Variants in SLC35F4 observed in about 807,000 individuals in gnomAD.
SLC35F4 encodes solute carrier family 35 member F4.
Under a neutral mutation model 44.2 loss-of-function variants are expected in SLC35F4, and 24 were observed. That is an observed-to-expected ratio of 0.54 (90% CI 0.39 to 0.76). The LOEUF is 0.76. Ranked by LOEUF, SLC35F4 falls within the 30% of genes least tolerant of loss-of-function variation. SLC35F4 has a pLI of 0.00. For missense variants in SLC35F4, 562 were observed against 586.1 expected, an observed-to-expected ratio of 0.96 and a Z score of 0.42; for synonymous variants, 238 against 223.6, an observed-to-expected ratio of 1.06 and a Z score of -0.57.
intron 1 of SLC35F4, among the ~76,000 whole-genome samples, chr14:57,613,687 G>T (rs1460234469): frequency 6.6e-6 from 1 of 152,156 alleles, no homozygotes; most frequent in Non-Finnish European, 1.5e-5. Context: ...TTGACTTCCT[G>T]CATAGTCTCA....
chr14:57,814,667 G>A (rs955451686), intron 1 of SLC35F4, among the ~76,000 whole-genome samples: 3 of 152,186 alleles, frequency 2.0e-5, no homozygotes, highest in Non-Finnish European at 4.4e-5. Flanking sequence ...TTGCTGCAAT[G>A]TGTGCCATTA....
At chr14:57,668,433 G>A (rs1461255977) in intron 1 of SLC35F4, among the ~76,000 whole-genome samples, 2 of 151,732 alleles carry the variant, frequency 1.3e-5, no homozygotes, top group South Asian at 2.1e-4. Flanking sequence ...GGTATTGCCT[G>A]GGTTTTCTTC....
In SLC35F4 at chr14:57,908,549, T is replaced by G. The variant is rs150553408; in HGVS notation, n.282+73364A>C. On this transcript the variant is annotated intron_variant and non_coding_transcript_variant, in intron 1 of 1. Coordinates refer to the SLC35F4 transcript ENST00000556568. ...TCTCTAATGATCAATAATGTTGAGC[T>G]TTTTTTCATATGTTTGTTGGTGGCA... Among the ~76,000 whole-genome samples, 421 of 152,318 alleles carry G rather than the reference T, an allele frequency of 2.8e-3. 2 individuals are homozygous for G. Among genetic ancestry groups the G allele is most frequent in the African/African-American group, 9.7e-3 (405 of 41,572 alleles).
At chr14:57,567,377 A>G (rs1467558067) in intron 6 of SLC35F4, among the ~76,000 whole-genome samples, 1 of 152,200 alleles carries the variant, frequency 6.6e-6, no homozygotes, top group Non-Finnish European at 1.5e-5. Context: ...AATGTCCTCA[A>G]TTCAGAGATC....
At chr14:57,739,200 G>A (rs991794780) in intron 1 of SLC35F4, among the ~76,000 whole-genome samples, 5 of 152,126 alleles carry the variant, frequency 3.3e-5, no homozygotes, top group East Asian at 1.9e-4. Context: ...GTGGTAAATG[G>A]AATCATTTCA....
chr14:57,590,757 T>G (rs971190784), intron 2 of SLC35F4, among the ~76,000 whole-genome samples: 7 of 152,154 alleles, frequency 4.6e-5, no homozygotes, highest in African/African-American at 1.4e-4. Flanking sequence ...AGACCCCACT[T>G]AAGCACAAGG....
chr14:57,899,432 T>C (rs1888952015), intron 1 of SLC35F4, among the ~76,000 whole-genome samples: 1 of 152,222 alleles, frequency 6.6e-6, no homozygotes, highest in Non-Finnish European at 1.5e-5. Context: ...TAGCACCTTC[T>C]AGCATAGTTC....
intron 1 of SLC35F4, among the ~76,000 whole-genome samples, chr14:57,703,832 T>C (rs781498926): frequency 7.2e-5 from 11 of 152,222 alleles, no homozygotes; most frequent in Non-Finnish European, 1.6e-4. Context: ...TCTATTATTA[T>C]ACTTTATCAG....
intron 1 of SLC35F4, among the ~76,000 whole-genome samples, chr14:57,884,798 C>A (rs1280835205): frequency 6.6e-6 from 1 of 151,924 alleles, no homozygotes; most frequent in East Asian, 1.9e-4. Context: ...AAAATAATAA[C>A]AACTGTGCCC....
chr14:57,763,509 A>T (rs2077171092), intron 1 of SLC35F4, among the ~76,000 whole-genome samples: 1 of 152,148 alleles, frequency 6.6e-6, no homozygotes, highest in Non-Finnish European at 1.5e-5. Context: ...AAGTTACTCA[A>T]TCTTTCTTTG....
intron 3 of SLC35F4, among the ~76,000 whole-genome samples, chr14:57,582,964 C>G (rs562393855): frequency 6.6e-6 from 1 of 152,164 alleles, no homozygotes; most frequent in Non-Finnish European, 1.5e-5. Flanking sequence ...TTGGGAGTTG[C>G]AGGTCACCGG....
At chr14:57,774,146 A>T (rs1310679227) in intron 1 of SLC35F4, among the ~76,000 whole-genome samples, 12 of 152,106 alleles carry the variant, frequency 7.9e-5, no homozygotes, top group Admixed American at 7.9e-4. Flanking sequence ...CTACTAGCAG[A>T]TCTTTAGAGG....
Position 57,596,741 on chromosome 14 carries a change from C to T in SLC35F4, c.104-2617G>A, listed in dbSNP as rs146512639. The T allele has an allele frequency of 1.3e-4, 167 of 1,318,052 alleles. 2 individuals carry two copies. The Admixed American group carries it at 3.1e-3, about 24-fold the overall frequency. The allele number at this position is 1,318,052 out of a possible 1,614,324, so 81.6% of individuals were successfully genotyped here. On this transcript the variant is annotated intron_variant, in intron 1 of 7. Coordinates refer to ENST00000556826, the MANE Select transcript of SLC35F4 (RefSeq NM_001306087.2). ...GCAAGTGTTGAATGTATAAGCCACA[C>T]CAGTGATTTATCTTCCTTTCTCATT...
intron 1 of SLC35F4, among the ~76,000 whole-genome samples, chr14:57,641,637 A>G (rs149702858): frequency 4.6e-5 from 7 of 152,154 alleles, no homozygotes; most frequent in Non-Finnish European, 5.9e-5. Flanking sequence ...ATGCTTTTAA[A>G]TGACAATGTT....
At chr14:57,744,226 G>A (rs1026629787) in intron 1 of SLC35F4, among the ~76,000 whole-genome samples, 3 of 152,094 alleles carry the variant, frequency 2.0e-5, no homozygotes, top group African/African-American at 7.2e-5. Flanking sequence ...TTCTGGCCAG[G>A]GTAATCAGGC....
intron 1 of SLC35F4, among the ~76,000 whole-genome samples, chr14:57,879,301 T>G (rs138729623): frequency 2.3e-3 from 357 of 152,238 alleles, no homozygotes; most frequent in Non-Finnish European, 3.6e-3. Context: ...CCTTTGTCGC[T>G]AAATACACTG....
Position 57,679,501 on chromosome 14 carries a change from A to C in SLC35F4, c.104-85377T>G, listed in dbSNP as rs1019454345. Among the ~76,000 whole-genome samples, 16 of 152,210 alleles carry C rather than the reference A, an allele frequency of 1.1e-4. No individual in the cohort carries two copies. In the East Asian group the frequency reaches 1.2e-3, roughly 11 times the overall value. ...GGAGCAAACAAATTTAAAAGCTAGC[A>C]GAAGACAAGAAATAACTAAGATTAG... On this transcript the variant is annotated intron_variant, in intron 1 of 7. Coordinates refer to ENST00000556826, the MANE Select transcript of SLC35F4 (RefSeq NM_001306087.2).
At chr14:57,751,910 ATTTCTC>A (rs2076892412) in intron 1 of SLC35F4, among the ~76,000 whole-genome samples, 1 of 126,714 alleles carries the variant, frequency 7.9e-6, no homozygotes, top group South Asian at 2.8e-4. Context: ...CTTAAAAAAC[ATTTCTC>A]TCTCTCTCTC....
chr14:57,849,627 A>G (rs1879616035), intron 1 of SLC35F4, among the ~76,000 whole-genome samples: 1 of 152,216 alleles, frequency 6.6e-6, no homozygotes, highest in African/African-American at 2.4e-5. Flanking sequence ...ATATTCAGAA[A>G]ACAAAAGAGC....
Sources: gnomAD v4.1 joint callset for allele counts (sites outside exome capture counted in the v4.1 genomes callset) on GRCh38, gnomAD v4.1.1 for gene constraint, MANE v1.5 for transcripts, NCBI Gene and HGNC (gene_info 2026-07-23, HGNC 2026-07-21) for gene names.